Variants in FABP6 observed in about 807,000 individuals in gnomAD.
FABP6 encodes the protein fatty acid binding protein 6, also known as gastrotropin.
A neutral mutation model predicts 14.9 loss-of-function variants in FABP6; 13 were observed. The observed-to-expected ratio is 0.87, with a 90% confidence interval of 0.57 to 1.39. The LOEUF (loss-of-function observed/expected upper bound fraction) is 1.39, where lower values mean the gene tolerates loss of function less well. Among genes scored for constraint, FABP6 ranks in the 40% most tolerant of loss-of-function variants. FABP6 has a pLI of 0.00. For missense variants in FABP6, 161 were observed against 167.2 expected, an observed-to-expected ratio of 0.96 and a Z score of 0.20; for synonymous variants, 75 against 63.6, an observed-to-expected ratio of 1.18 and a Z score of -0.85.
intron 1 of FABP6, chr5:160,197,631 C>T (rs535356535): frequency 7.2e-5 from 11 of 152,376 alleles, no homozygotes; most frequent in African/African-American, 2.4e-4. Flanking sequence ...CTGTCCTGTG[C>T]ATCTCTGGTC....
intron 3 of FABP6, among the ~76,000 whole-genome samples, chr5:160,221,088 C>CAAAAA: frequency 1.4e-5 from 1 of 72,748 alleles, no homozygotes; most frequent in African/African-American, 4.6e-5. Context: ...GACTTTCTCT[C>CAAAAA]AAAAAAAAAA....
intron 2 of FABP6, 38 bp from the exon 3 acceptor site, chr5:160,234,782 T>G: frequency 2.6e-6 from 4 of 1,536,122 alleles, no homozygotes; most frequent in Non-Finnish European, 3.5e-6. Flanking sequence ...GCCAATCACC[T>G]GCAACAACCC....
rs373534061 is a variant in FABP6 at position 160,238,636 on chromosome 5, C to T, written c.364C>T (p.Arg122Cys). Residue 122 changes from arginine to cysteine, a missense_variant, in exon 4 of 4, where the codon CGC (arginine) becomes TGC (cysteine). Arg to Cys is a radical substitution (Grantham distance 180, BLOSUM62 -3). Transcript: ENST00000402432. ...CACCATCGGAGGCGTGACCTATGAG[C>T]GCGTGAGCAAGAGACTGGCCTAAGC... Reference protein sequence around the residue: ...VSTIGGVTYERVSKRLA With the variant: ...VSTIGGVTYECVSKRLA 31 of 1,613,862 alleles carry T rather than the reference C, an allele frequency of 1.9e-5. No homozygotes were observed. Among genetic ancestry groups the T allele is most frequent in the African/African-American group, 1.1e-4 (8 of 74,914 alleles).
intron 2 of FABP6, among the ~76,000 whole-genome samples, chr5:160,203,816 C>T (rs1190629898): frequency 1.3e-5 from 2 of 151,932 alleles, no homozygotes; most frequent in Non-Finnish European, 2.9e-5. Context: ...ATTCTCCAGC[C>T]TCAGCCTCTC....
intron 3 of FABP6, among the ~76,000 whole-genome samples, chr5:160,222,017 G>C (rs1760137517): frequency 6.6e-6 from 1 of 151,376 alleles, no homozygotes; most frequent in African/African-American, 2.4e-5. Context: ...TTTTACAATT[G>C]AAAAATAAGA....
intron 2 of FABP6, among the ~76,000 whole-genome samples, chr5:160,206,540 G>T (rs1759771250): frequency 6.6e-6 from 1 of 152,144 alleles, no homozygotes; most frequent in African/African-American, 2.4e-5. Context: ...ACAGATAGAA[G>T]GACACATATA....
intron 2 of FABP6, among the ~76,000 whole-genome samples, chr5:160,213,100 C>T (rs1030450633): frequency 8.5e-5 from 13 of 152,148 alleles, no homozygotes; most frequent in African/African-American, 2.9e-4. Context: ...AGCAGTTGGC[C>T]CTCACGGTCG....
chr5:160,199,542 C>A (rs1256004798), intron 2 of FABP6, among the ~76,000 whole-genome samples: 1 of 152,184 alleles, frequency 6.6e-6, no homozygotes, highest in Non-Finnish European at 1.5e-5. Context: ...CGCGGCATCC[C>A]GGCTCCCCGT....
At chr5:160,202,021 C>T (rs901736025) in intron 2 of FABP6, among the ~76,000 whole-genome samples, 5 of 152,176 alleles carry the variant, frequency 3.3e-5, no homozygotes, top group African/African-American at 1.2e-4. Flanking sequence ...GCCTTCACCT[C>T]CCAAAGTGCT....
At chr5:160,233,913 C>T (rs144022436) in intron 2 of FABP6, among the ~76,000 whole-genome samples, 1 of 151,936 alleles carries the variant, frequency 6.6e-6, no homozygotes, top group East Asian at 1.9e-4. Flanking sequence ...AACCGAGGCT[C>T]AGGGAGACCA....
chr5:160,236,442 G>C (rs1214455186), intron 3 of FABP6, among the ~76,000 whole-genome samples: 2 of 152,134 alleles, frequency 1.3e-5, no homozygotes, highest in African/African-American at 2.4e-5. Flanking sequence ...ATATGGGTTT[G>C]GTGGGGGGAC....
chr5:160,192,756 T>C (rs1430968665), intron 1 of FABP6, among the ~76,000 whole-genome samples: 2 of 152,246 alleles, frequency 1.3e-5, no homozygotes, highest in Non-Finnish European at 2.9e-5. Context: ...CAGGTTCTAC[T>C]GAAAGGCCGT....
At chr5:160,225,977 C>A (rs2113130028), upstream of FABP6, among the ~76,000 whole-genome samples, 1 of 151,874 alleles carries the variant, frequency 6.6e-6, no homozygotes, top group East Asian at 2.0e-4. Flanking sequence ...AGTTCGAAAC[C>A]AGCCTGGCCA....
intron 2 of FABP6, among the ~76,000 whole-genome samples, chr5:160,208,109 T>G (rs1282178600): frequency 6.6e-6 from 1 of 152,214 alleles, no homozygotes; most frequent in Non-Finnish European, 1.5e-5. Context: ...CTGAATTTTA[T>G]GTTACTTTTA....
At position 160,232,092 on chromosome 5, in the gene FABP6, G is replaced by C. The variant is rs200580307; in HGVS notation, c.68-6G>C. 4.1e-5 allele frequency: 66 copies of C among 1,613,748 alleles called. No individual in the cohort carries two copies. In the African/African-American group the frequency reaches 5.9e-4, roughly 14 times the overall value. On this transcript the variant is annotated splice_polypyrimidine_tract_variant and splice_region_variant and intron_variant, in intron 1 of 3. Transcript: ENST00000402432. ...ATATGGCTACTCTGCTTGTCCCCGG[G>C]TCCAGGGATCTCCAGCGATGTAATC...
intron 2 of FABP6, among the ~76,000 whole-genome samples, chr5:160,209,697 G>A (rs1038447099): frequency 2.0e-5 from 3 of 146,430 alleles, no homozygotes; most frequent in East Asian, 2.0e-4. Context: ...ATAAATCATC[G>A]TCTTTTTTGT....
intron 2 of FABP6, among the ~76,000 whole-genome samples, chr5:160,201,657 C>T (rs527823041): frequency 1.3e-5 from 2 of 152,142 alleles, no homozygotes; most frequent in East Asian, 3.9e-4. Flanking sequence ...TCTCACCCTT[C>T]TTCTTTCTTC....
chr5:160,232,183 C>A lies in FABP6; in HGVS notation c.153C>A (p.Ser51=), dbSNP rs1329509521. Residue 51 remains serine, a synonymous_variant, in exon 2 of 4, where the codon TCC becomes TCA. Transcript: ENST00000402432. ...AGGATGGGCAGGACTTCACTTGGTC[C>A]CAGCACTACTCCGGGGGCCACACCA... The part of the protein sequence containing the change: ...VQQDGQDFTW[S]QHYSGGHTMT... 3 of 1,613,834 alleles carry A rather than the reference C, an allele frequency of 1.9e-6. No individual in the cohort carries two copies. The highest frequency in any genetic ancestry group is 2.5e-6 in the Non-Finnish European group (3 of 1,179,916).
chr5:160,199,061 T>C (rs1432443433), exon 2 of FABP6: 1 of 1,611,302 alleles, frequency 6.2e-7, no homozygotes, highest in Non-Finnish European at 8.5e-7. Context: ...TTTGCACCTC[T>C]GGCTCCAGGG....
Sources: allele counts gnomAD v4.1 joint callset (sites outside exome capture counted in the v4.1 genomes callset), GRCh38; gene constraint gnomAD v4.1.1; transcripts MANE v1.5; gene names NCBI Gene and HGNC (gene_info 2026-07-23, HGNC 2026-07-21).